The following MYO5C variants were observed in gnomAD, a reference collection of about 807,000 sequenced individuals.
The protein encoded by MYO5C is unconventional myosin-Vc.
A neutral mutation model predicts 235.7 loss-of-function variants in MYO5C; 194 were observed. The ratio of observed to expected loss-of-function variants is 0.82; its 90% CI spans 0.73 to 0.93. The LOEUF (loss-of-function observed/expected upper bound fraction) is 0.93, where lower values mean the gene tolerates loss of function less well. Ranked by LOEUF, MYO5C falls within the 40% of genes least tolerant of loss-of-function variation. The probability of loss-of-function intolerance (pLI) is 0.00; values close to 1 mark genes in which losing one functional copy is unlikely to be tolerated. For synonymous variants in MYO5C, 707 were observed against 754.8 expected, an observed-to-expected ratio of 0.94 and a Z score of 1.04; for missense variants, 2,038 against 2,127.2, an observed-to-expected ratio of 0.96 and a Z score of 0.82.
rs186287102 is a variant in MYO5C at position 52,244,832 on chromosome 15, G to C, written c.2179-265C>G. ...GTGTCATTTGCGGCGATTCTCAGTT[G>C]GGCTGCCAGAGAACTTCAGCCACTC... On this transcript the variant is annotated intron_variant, in intron 18 of 40. Transcript: ENST00000261839. Among the ~76,000 whole-genome samples the C allele has an allele frequency of 3.6e-3, 553 of 152,292 alleles. 1 individual carries two copies. Among genetic ancestry groups the C allele is most frequent in the Non-Finnish European group, 5.2e-3 (351 of 68,024 alleles).
At chr15:52,256,542 G>T in intron 11 of MYO5C, 97 bp downstream of exon 11, 2 of 835,530 alleles carry the variant, frequency 2.4e-6, no homozygotes, top group Non-Finnish European at 3.8e-6. Context: ...CCTCAAGAAA[G>T]AAGAATGCCT....
Position 52,211,722 on chromosome 15 carries a change from T to C in MYO5C, c.4296+8A>G, listed in dbSNP as rs775651528. Reference sequence around the variant, plus strand: ...ATACCAGGGGCCAATGTCAAAGGCATTTCCTACCTTAACCACCTGCTTGAT... The same window carrying C: ...ATACCAGGGGCCAATGTCAAAGGCACTTCCTACCTTAACCACCTGCTTGAT... On this transcript the variant is annotated splice_region_variant and intron_variant, in intron 35 of 40. Coordinates refer to ENST00000261839, the MANE Select transcript of MYO5C (RefSeq NM_018728.4). 19 of 1,612,762 alleles carry C rather than the reference T, an allele frequency of 1.2e-5. No homozygotes were observed. Among genetic ancestry groups the C allele is most frequent in the Non-Finnish European group, 1.5e-5 (18 of 1,179,244 alleles).
chr15:52,261,789 T>C (rs1012238099), intron 9 of MYO5C, among the ~76,000 whole-genome samples: 9 of 152,216 alleles, frequency 5.9e-5, no homozygotes, highest in African/African-American at 2.2e-4. Flanking sequence ...CTTCAGCCAG[T>C]GTGGACAAAG....
chr15:52,245,510 A>C, intron 17 of MYO5C, 45 bp from the exon 18 acceptor site: 1 of 1,390,544 alleles, frequency 7.2e-7, no homozygotes, highest in Non-Finnish European at 1.0e-6. Context: ...CAGAGGAAGC[A>C]CATTGTGTCT....
chr15:52,275,592 G>A lies in MYO5C; in HGVS notation c.576C>T (p.Asp192=), dbSNP rs764368717. 6.2e-7 allele frequency: 1 copy of A among 1,614,208 alleles called. No individual in the cohort carries two copies. Among genetic ancestry groups the A allele is most frequent in the Admixed American group, 1.7e-5 (1 of 60,030 alleles). The change falls in exon 5 of 41, where the codon GAC becomes GAT. Residue 192 remains aspartate, a synonymous_variant. Transcript: ENST00000261839. ...SKSGSNAHVE[D]KVLASNPITE... is the part of the protein sequence containing the mutation. ...TGATGGGATTGGATGCCAGGACCTTGTCTTCCACGTGAGCGTTGCTGCCCG... is the reference window on the plus strand; with the variant it reads ...TGATGGGATTGGATGCCAGGACCTTATCTTCCACGTGAGCGTTGCTGCCCG...
In MYO5C at chr15:52,208,602, G is replaced by A. The variant is rs1244759581; in HGVS notation, c.4338C>T (p.Ser1446=). 3 of 1,613,916 alleles carry A rather than the reference G, an allele frequency of 1.9e-6. No homozygotes were observed. Among genetic ancestry groups the A allele is most frequent in the African/African-American group, 2.7e-5 (2 of 74,904 alleles). Residue 1446 remains serine (S), a synonymous_variant, in exon 36 of 41, where the codon TCC becomes TCT. Transcript: ENST00000261839. ...GGCAATTGAGAAAATGACAAGTGTT[G>A]GAAAGCCAAAAGGACAGCATTTCAA... is the stretch of plus-strand genomic sequence containing the variant. ...EDFEMLSFWL[S]NTCHFLNCLK...
chr15:52,230,826 CTT>C (rs67197964), intron 24 of MYO5C, among the ~76,000 whole-genome samples: 53 of 128,510 alleles, frequency 4.1e-4, no homozygotes, highest in Middle Eastern at 3.9e-3. Context: ...AGAAGTCTTC[CTT>C]TTTTTTTTTT....
chr15:52,195,153 G>A (rs368127990), intron 40 of MYO5C, among the ~76,000 whole-genome samples: 15 of 152,104 alleles, frequency 9.9e-5, no homozygotes, highest in East Asian at 1.9e-4. Context: ...AATACAGCAC[G>A]GGAGACATGA....
intron 1 of MYO5C, among the ~76,000 whole-genome samples, chr15:52,293,284 TC>T (rs1182343445): frequency 6.6e-6 from 1 of 152,074 alleles, no homozygotes; most frequent in Non-Finnish European, 1.5e-5. Context: ...CTGCTTCCTC[TC>T]ACTCCTTGCA....
chr15:52,219,302 G>A (rs1003739368), intron 31 of MYO5C, among the ~76,000 whole-genome samples: 10 of 152,192 alleles, frequency 6.6e-5, no homozygotes, highest in East Asian at 1.9e-4. Flanking sequence ...TGGAAATTTG[G>A]GGGGATTAGC....
chr15:52,248,633 T>C, intron 14 of MYO5C, 67 bp downstream of exon 14: 1 of 1,121,420 alleles, frequency 8.9e-7, no homozygotes, highest in African/African-American at 1.5e-5. Flanking sequence ...CCTTACTCTT[T>C]CCTTATATAC....
chr15:52,212,944 T>A (rs1255075843), intron 34 of MYO5C, among the ~76,000 whole-genome samples: 2 of 152,212 alleles, frequency 1.3e-5, no homozygotes, highest in Non-Finnish European at 2.9e-5. Context: ...TCTTTTATTG[T>A]CATCACTAGG....
At chr15:52,209,752 A>G (rs1157541876) in intron 35 of MYO5C, among the ~76,000 whole-genome samples, 1 of 152,188 alleles carries the variant, frequency 6.6e-6, no homozygotes, top group African/African-American at 2.4e-5. Flanking sequence ...ACATCAATTT[A>G]TGGGAGCCCC....
At chr15:52,261,235 G>A (rs2036689204) in intron 9 of MYO5C, 108 bp from the exon 10 acceptor site, 2 of 1,330,726 alleles carry the variant, frequency 1.5e-6, no homozygotes, top group African/African-American at 1.5e-5. Flanking sequence ...CAAGAGCTGA[G>A]TAGTAGCTGG....
chr15:52,275,086 C>T (rs905181963), intron 5 of MYO5C, among the ~76,000 whole-genome samples: 3 of 152,198 alleles, frequency 2.0e-5, no homozygotes, highest in Admixed American at 2.0e-4. Flanking sequence ...TGAACTGGCT[C>T]TTGGGGAGGG....
chr15:52,277,763 T>C, intron 4 of MYO5C: 1 of 446,938 alleles, frequency 2.2e-6, no homozygotes, highest in South Asian at 1.6e-5. Context: ...CGGCACCGGG[T>C]CTCTGATGAC....
At position 52,214,611 on chromosome 15, in the gene MYO5C, A is replaced by G. The variant is rs767050802; in HGVS notation, c.4034T>C (p.Ile1345Thr). 1.6e-5 allele frequency: 26 copies of G among 1,600,346 alleles called. No homozygotes were observed. The highest frequency in any genetic ancestry group is 9.0e-5 in the East Asian group (4 of 44,618). The change falls in exon 33 of 41, where the codon ATT (isoleucine) becomes ACT (threonine). Residue 1345 changes from isoleucine (I) to threonine (T), a missense_variant. Physicochemically the swap from Ile to Thr is moderately conservative, Grantham distance 89 (BLOSUM62 -1). Transcript: ENST00000261839. ...QDQVKTLSKT[I>T]GKANDVHSSS... The stretch of plus-strand genomic sequence containing the variant: ...CAAGTATTGTTTCTTACCTTTTCCA[A>G]TTGTCTTGCTTAGTGTCTTGACTTG...
At position 52,245,455 on chromosome 15, in the gene MYO5C, T is replaced by C; in HGVS notation, c.2077A>G (p.Ile693Val). 2 of 1,613,194 alleles carry C rather than the reference T, an allele frequency of 1.2e-6. No homozygotes were observed. Among genetic ancestry groups the C allele is most frequent in the East Asian group, 2.2e-5 (1 of 44,880 alleles). The change falls in exon 18 of 41, where the codon ATC (isoleucine) becomes GTC (valine). Residue 693 changes from isoleucine to valine, a missense_variant. Transcript: ENST00000261839. ...AQSYPSRWTY[I>V]EFYSRYGILM... ...ATGCCGTAGCGACTGTAGAACTCGA[T>C]GTATGTCCACCTGGAAAATCAAAGG...
rs1172464915 is a variant in MYO5C at position 52,205,859 on chromosome 15, A to T, written c.4494T>A (p.His1498Gln). The change falls in exon 37 of 41, where the codon CAT becomes CAA. Residue 1498 changes from histidine to glutamine, a missense_variant. Physicochemically the swap from His to Gln is conservative, Grantham distance 24. Coordinates refer to ENST00000261839, the MANE Select transcript of MYO5C (RefSeq NM_018728.4). The stretch of plus-strand genomic sequence containing the variant: ...TCTTTTCCATTATGATAATAAATTG[A>T]TGATATATTCGTATAGCCACATCAC... Reference protein sequence around the residue: ...ILSDVAIRIYHQFIIIMEKNI... With the variant: ...ILSDVAIRIYQQFIIIMEKNI... 4 of 1,590,130 alleles carry T rather than the reference A, an allele frequency of 2.5e-6. No individual in the cohort carries two copies. In the Admixed American group the frequency reaches 5.1e-5, roughly 20 times the overall value.
Sources: gnomAD v4.1 joint callset for allele counts (sites outside exome capture counted in the v4.1 genomes callset) on GRCh38, gnomAD v4.1.1 for gene constraint, MANE v1.5 for transcripts, NCBI Gene and HGNC (gene_info 2026-07-23, HGNC 2026-07-21) for gene names.